DNAH9: variants seen among roughly 807,000 people sequenced by gnomAD.
DNAH9 encodes dynein axonemal heavy chain 9, also known as DNAH9 variant protein.
Under a neutral mutation model 471.6 loss-of-function variants are expected in DNAH9, and 345 were observed. The ratio of observed to expected loss-of-function variants is 0.73; its 90% confidence interval spans 0.67 to 0.80. The LOEUF (loss-of-function observed/expected upper bound fraction) is 0.80. DNAH9 is among the 30% of genes least tolerant of loss of function. The pLI is 0.00. For synonymous variants in DNAH9, 2,093 were observed against 2,123.6 expected, an observed-to-expected ratio of 0.99 and a Z score of 0.40; for missense variants, 5,407 against 5,609.2, an observed-to-expected ratio of 0.96 and a Z score of 1.15.
At chr17:11,809,973 A>G (rs937051243) in intron 44 of DNAH9, among the ~76,000 whole-genome samples, 3 of 152,114 alleles carry the variant, frequency 2.0e-5, no homozygotes, top group African/African-American at 7.2e-5. Context: ...AAATCAGTGT[A>G]AGAGAGGTAC....
At chr17:11,852,341 T>C (rs1433954922) in intron 49 of DNAH9, among the ~76,000 whole-genome samples, 1 of 152,212 alleles carries the variant, frequency 6.6e-6, no homozygotes, top group Non-Finnish European at 1.5e-5. Flanking sequence ...GGTAGGGAGC[T>C]GGGCGTGGGA....
intron 48 of DNAH9, among the ~76,000 whole-genome samples, chr17:11,833,384 A>G (rs1388501657): frequency 1.3e-5 from 2 of 152,240 alleles, no homozygotes; most frequent in East Asian, 3.9e-4. Flanking sequence ...TGCTCTAGCA[A>G]GAAAGTCAGC....
At chr17:11,662,782 G>A (rs1416357402) in intron 14 of DNAH9, among the ~76,000 whole-genome samples, 1 of 107,258 alleles carries the variant, frequency 9.3e-6, no homozygotes, top group East Asian at 3.2e-4. Flanking sequence ...TTGAGACGGA[G>A]TCTCGCTCTG....
At position 11,629,368 on chromosome 17, in the gene DNAH9, G is replaced by T. The variant is rs748402605; in HGVS notation, c.1351-49G>T. ...GCGGTGTTTGGTTTTTTGTCCTTGC[G>T]ATAGTTTGCTGAGAATGATTTTAAC... On this transcript the variant is annotated intron_variant, in intron 6 of 68. Coordinates refer to ENST00000262442, the MANE Select transcript of DNAH9 (RefSeq NM_001372.4). 6 of 1,547,404 alleles carry T rather than the reference G, an allele frequency of 3.9e-6. No individual in the cohort carries two copies. The Admixed American group carries it at 8.6e-5, about 22-fold the overall frequency.
Position 11,739,166 on chromosome 17 carries a change from T to A in DNAH9, c.5972+129T>A, listed in dbSNP as rs2075396649. The stretch of plus-strand genomic sequence containing the variant: ...TGGAAAAGTAGATTTGTAACAACCT[T>A]CTTTAATGTCTTTAATGCAGTAAAA... On this transcript the variant is annotated intron_variant, in intron 29 of 68. Coordinates refer to ENST00000262442, the MANE Select transcript of DNAH9 (RefSeq NM_001372.4). 6.1e-6 allele frequency: 5 copies of A among 819,860 alleles called. No homozygotes were observed. In the Admixed American group the frequency reaches 9.0e-5, roughly 15 times the overall value. 50.8% of individuals were successfully genotyped at this position (819,860 alleles called of 1,614,324 possible). A position where few individuals can be genotyped will look rare whatever the true frequency, so the allele number is the denominator to read the frequency against.
intron 28 of DNAH9, among the ~76,000 whole-genome samples, chr17:11,736,569 T>C (rs910509908): frequency 2.0e-5 from 3 of 152,230 alleles, no homozygotes; most frequent in South Asian, 2.1e-4. Context: ...ATCATTGTTA[T>C]GTTCCAGTGA....
At chr17:11,823,727 C>G (rs916195622) in intron 48 of DNAH9, among the ~76,000 whole-genome samples, 1 of 151,948 alleles carries the variant, frequency 6.6e-6, no homozygotes, top group Non-Finnish European at 1.5e-5. Context: ...GTCAGGAGAT[C>G]GAGACCATCC....
intron 31 of DNAH9, among the ~76,000 whole-genome samples, chr17:11,747,079 A>G (rs925377598): frequency 2.6e-5 from 4 of 152,254 alleles, no homozygotes. Context: ...ATTCAAAGCA[A>G]GAATAGAGTA....
intron 27 of DNAH9, 82 bp from the exon 28 acceptor site, chr17:11,727,736 A>G: frequency 2.2e-6 from 2 of 897,500 alleles, no homozygotes; most frequent in Non-Finnish European, 3.7e-6. Context: ...AGTATCTATA[A>G]TAAAGGGGAT....
intron 11 of DNAH9, 26 bp downstream of exon 11, chr17:11,644,725 G>A (rs367747246): frequency 2.3e-5 from 36 of 1,550,856 alleles, no homozygotes; most frequent in Middle Eastern, 1.7e-4. Flanking sequence ...CATTGCGTGG[G>A]TCTGCAGATT....
intron 35 of DNAH9, among the ~76,000 whole-genome samples, chr17:11,761,333 A>G (rs1172686617): frequency 6.6e-6 from 1 of 152,212 alleles, no homozygotes; most frequent in Non-Finnish European, 1.5e-5. Flanking sequence ...TTTATCTGCC[A>G]GTGACCAGCT....
At chr17:11,882,839 G>A (rs761712974) in intron 55 of DNAH9, 1 of 709,980 alleles carries the variant, frequency 1.4e-6, no homozygotes, top group Non-Finnish European at 1.7e-6. Flanking sequence ...AAAGCCTCTG[G>A]GCATAGAGCA....
At chr17:11,852,830 AT>A (rs1971474612) in intron 49 of DNAH9, among the ~76,000 whole-genome samples, 1 of 119,498 alleles carries the variant, frequency 8.4e-6, no homozygotes, top group Non-Finnish European at 1.6e-5. Flanking sequence ...ATATATATAT[AT>A]ATATATATAT....
intron 45 of DNAH9, among the ~76,000 whole-genome samples, chr17:11,810,977 T>C (rs1303249310): frequency 6.6e-6 from 1 of 152,224 alleles, no homozygotes; most frequent in Non-Finnish European, 1.5e-5. Flanking sequence ...TGCTTGCTAT[T>C]GCTATTTTAT....
At chr17:11,906,454 C>G (rs966579619) in intron 61 of DNAH9, among the ~76,000 whole-genome samples, 5 of 151,792 alleles carry the variant, frequency 3.3e-5, no homozygotes, top group African/African-American at 1.2e-4. Flanking sequence ...TGGTGAAACC[C>G]CATCTCTACC....
chr17:11,678,255 A>T (rs1005864111), intron 17 of DNAH9, among the ~76,000 whole-genome samples: 1 of 152,056 alleles, frequency 6.6e-6, no homozygotes, highest in Non-Finnish European at 1.5e-5. Context: ...ACAGGGTTTC[A>T]TCATGTTGAC....
In DNAH9 at chr17:11,932,277, A is replaced by C; in HGVS notation, c.12297+72A>C. On this transcript the variant is annotated intron_variant, in intron 64 of 68. Coordinates refer to ENST00000262442, the MANE Select transcript of DNAH9 (RefSeq NM_001372.4). The surrounding 1 kb of genome is among the most constrained non-coding windows in gnomAD (Gnocchi z 4.3). ...AAAATTATTTAATTTTGAGGGGTGA[A>C]TCAGAGGGGTCTAGGATGGGGCCTG... 1 of 1,487,912 alleles carries C rather than the reference A, an allele frequency of 6.7e-7. No homozygotes were observed. Among genetic ancestry groups the C allele is most frequent in the Non-Finnish European group, 9.2e-7 (1 of 1,091,220 alleles). 92.2% of individuals were successfully genotyped at this position (1,487,912 alleles called of 1,614,324 possible).
At chr17:11,872,692 G>T (rs1972320925) in intron 52 of DNAH9, among the ~76,000 whole-genome samples, 1 of 152,012 alleles carries the variant, frequency 6.6e-6, no homozygotes, top group Non-Finnish European at 1.5e-5. Flanking sequence ...AGGTTGAGGC[G>T]GGCGGATCAC....
At chr17:11,899,884 G>C (rs933915587) in intron 59 of DNAH9, among the ~76,000 whole-genome samples, 7 of 152,170 alleles carry the variant, frequency 4.6e-5, no homozygotes, top group African/African-American at 1.7e-4. Context: ...CACCCTGCTA[G>C]GTCTAAGGCG....
Sources: allele counts gnomAD v4.1 joint callset (sites outside exome capture counted in the v4.1 genomes callset), GRCh38; gene constraint gnomAD v4.1.1; non-coding constraint Gnocchi (gnomAD v3.1); transcripts MANE v1.5; gene names NCBI Gene and HGNC (gene_info 2026-07-23, HGNC 2026-07-21).